Variants in CEP112 observed in about 807,000 individuals in gnomAD.
CEP112 encodes centrosomal protein of 112 kDa.
A neutral mutation model predicts 153.0 loss-of-function variants in CEP112; 127 were observed. The observed-to-expected ratio is 0.83, with a 90% CI of 0.72 to 0.96. CEP112 has a LOEUF of 0.96. CEP112 is among the 40% of genes least tolerant of loss of function. CEP112 has a pLI of 0.00. For synonymous variants in CEP112, 358 were observed against 374.4 expected, an observed-to-expected ratio of 0.96 and a Z score of 0.51; for missense variants, 1,089 against 1,101.2, an observed-to-expected ratio of 0.99 and a Z score of 0.16.
intron 4 of CEP112, among the ~76,000 whole-genome samples, chr17:66,154,841 T>C (rs2071370516): frequency 2.0e-5 from 3 of 152,188 alleles, no homozygotes; most frequent in African/African-American, 2.4e-5. Context: ...CCAAAACTCA[T>C]ATTTAAATTT....
chr17:65,722,458 A>T (rs1351825027), intron 23 of CEP112, among the ~76,000 whole-genome samples: 1 of 152,168 alleles, frequency 6.6e-6, no homozygotes, highest in Non-Finnish European at 1.5e-5. Context: ...CATGTTGGCC[A>T]GGTTGGTCTC....
intron 23 of CEP112, among the ~76,000 whole-genome samples, chr17:65,729,016 A>G (rs2050342079): frequency 6.6e-6 from 1 of 152,228 alleles, no homozygotes; most frequent in Non-Finnish European, 1.5e-5. Flanking sequence ...TTTGGTAATA[A>G]CATAGCTTAA....
At chr17:65,945,766 C>G (rs923845988) in intron 18 of CEP112, among the ~76,000 whole-genome samples, 1 of 152,148 alleles carries the variant, frequency 6.6e-6, no homozygotes, top group Admixed American at 6.5e-5. Flanking sequence ...CCTCCCTCAG[C>G]CTCCCGAGTA....
At chr17:65,951,634 C>T (rs1026470050) in intron 18 of CEP112, among the ~76,000 whole-genome samples, 1 of 151,790 alleles carries the variant, frequency 6.6e-6, no homozygotes, top group African/African-American at 2.4e-5. Context: ...GTCAATCATG[C>T]TAAAGTTTGT....
intron 23 of CEP112, among the ~76,000 whole-genome samples, chr17:65,710,932 A>G (rs1160184716): frequency 6.6e-6 from 1 of 152,210 alleles, no homozygotes; most frequent in Non-Finnish European, 1.5e-5. Flanking sequence ...AAACTAATTA[A>G]TTCCTGTGGA....
intron 16 of CEP112, among the ~76,000 whole-genome samples, chr17:66,007,931 T>C (rs536111801): frequency 2.4e-4 from 36 of 152,268 alleles, no homozygotes; most frequent in African/African-American, 8.4e-4. Context: ...TAAAATACTA[T>C]TTATGCCGTT....
At chr17:65,775,615 G>A (rs2053633635) in intron 21 of CEP112, among the ~76,000 whole-genome samples, 1 of 151,994 alleles carries the variant, frequency 6.6e-6, no homozygotes, top group Admixed American at 6.6e-5. Flanking sequence ...CTATTCTCCT[G>A]TCTCAGCCTC....
At chr17:65,704,876 A>G (rs1216057615) in intron 23 of CEP112, among the ~76,000 whole-genome samples, 1 of 152,228 alleles carries the variant, frequency 6.6e-6, no homozygotes, top group Non-Finnish European at 1.5e-5. Flanking sequence ...GAATGAGAGG[A>G]TTTACAAAGA....
At position 65,761,654 on chromosome 17, in the gene CEP112, G is replaced by A. The variant is rs147863104; in HGVS notation, c.2395-10930C>T. Among the ~76,000 whole-genome samples the A allele has an allele frequency of 4.0e-3, 608 of 152,070 alleles. 4 individuals carry two copies. Among genetic ancestry groups the A allele is most frequent in the African/African-American group, 0.014 (583 of 41,506 alleles). On this transcript the variant is annotated intron_variant, in intron 21 of 26. Coordinates refer to ENST00000535342, the MANE Select transcript of CEP112 (RefSeq NM_001199165.4). ...TATATTGAGATTTCTTCTTTGACCC[G>A]TGTGATTTTTAAAGTGTGTTATATA... is the stretch of plus-strand genomic sequence containing the variant.
At chr17:66,021,697 C>T (rs2065004969) in intron 16 of CEP112, among the ~76,000 whole-genome samples, 1 of 152,118 alleles carries the variant, frequency 6.6e-6, no homozygotes, top group African/African-American at 2.4e-5. Context: ...CAGCCACCTG[C>T]TGACTACCTC....
chr17:65,721,206 C>CT (rs984352361), intron 23 of CEP112, among the ~76,000 whole-genome samples: 1 of 151,872 alleles, frequency 6.6e-6, no homozygotes, highest in African/African-American at 2.4e-5. Context: ...GAGACGGGGT[C>CT]TCACCGTGTT....
intron 11 of CEP112, among the ~76,000 whole-genome samples, chr17:66,062,542 C>A (rs1174589852): frequency 6.6e-6 from 1 of 151,854 alleles, no homozygotes; most frequent in Non-Finnish European, 1.5e-5. Context: ...ACATGTCAAT[C>A]AAAAATAAAA....
At chr17:65,985,435 T>A (rs1445075818) in intron 17 of CEP112, among the ~76,000 whole-genome samples, 1 of 152,198 alleles carries the variant, frequency 6.6e-6, no homozygotes, top group Non-Finnish European at 1.5e-5. Context: ...GTATCACTTT[T>A]ACATCTAACT....
chr17:66,148,569 A>G (rs2071024918), intron 4 of CEP112, among the ~76,000 whole-genome samples: 1 of 151,904 alleles, frequency 6.6e-6, no homozygotes, highest in Non-Finnish European at 1.5e-5. Flanking sequence ...CAAGTCCTTC[A>G]CCTCCTTAGT....
chr17:65,734,963 C>T (rs2050715489), intron 23 of CEP112, among the ~76,000 whole-genome samples: 1 of 152,118 alleles, frequency 6.6e-6, no homozygotes, highest in African/African-American at 2.4e-5. Context: ...TTTGTAACAT[C>T]AGGTGTTTGT....
intron 21 of CEP112, among the ~76,000 whole-genome samples, chr17:65,847,192 C>T (rs546102408): frequency 6.6e-6 from 1 of 152,144 alleles, no homozygotes; most frequent in Non-Finnish European, 1.5e-5. Context: ...TCTGGTTCAT[C>T]TCAGTACCTC....
chr17:65,970,968 C>G (rs1180250196), intron 17 of CEP112, among the ~76,000 whole-genome samples: 1 of 150,944 alleles, frequency 6.6e-6, no homozygotes, highest in African/African-American at 2.5e-5. Flanking sequence ...TACATGTTGG[C>G]CAGGCTGATT....
chr17:65,943,698 T>C (rs1303487433), intron 18 of CEP112, among the ~76,000 whole-genome samples: 2 of 152,152 alleles, frequency 1.3e-5, no homozygotes, highest in Admixed American at 6.5e-5. Flanking sequence ...TTGGGGTTGA[T>C]CTTCTCATGG....
At chr17:66,040,554 T>C (rs1379013660) in intron 12 of CEP112, among the ~76,000 whole-genome samples, 3 of 146,170 alleles carry the variant, frequency 2.1e-5, no homozygotes, top group Non-Finnish European at 3.0e-5. Flanking sequence ...TAGAGTGCAG[T>C]GGTGCAATCT....
Sources: allele counts gnomAD v4.1 joint callset (sites outside exome capture counted in the v4.1 genomes callset), GRCh38; gene constraint gnomAD v4.1.1; transcripts MANE v1.5; gene names NCBI Gene and HGNC (gene_info 2026-07-23, HGNC 2026-07-21).